LTBP1: variants seen among roughly 807,000 people sequenced by gnomAD.
LTBP1 encodes the protein latent transforming growth factor beta binding protein 1.
LTBP1 carries 129 observed loss-of-function variants against 207.6 expected under a neutral mutation model. The observed-to-expected ratio is 0.62, with a 90% CI of 0.54 to 0.72. The LOEUF is 0.72. LTBP1 is among the 30% of genes least tolerant of loss of function. The pLI is 0.00. For synonymous variants in LTBP1, 963 were observed against 833.7 expected, an observed-to-expected ratio of 1.16 and a Z score of -2.67; for missense variants, 2,281 against 2,217.2, an observed-to-expected ratio of 1.03 and a Z score of -0.58.
chr2:33,082,432 C>CTTTTTTT (rs56058653), intron 3 of LTBP1, among the ~76,000 whole-genome samples: 1 of 29,320 alleles, frequency 3.4e-5, no homozygotes, highest in African/African-American at 1.1e-4. Context: ...GTATGACTCA[C>CTTTTTTT]TTTTTTTTTT....
chr2:33,054,084 C>T (rs186874546), intron 3 of LTBP1, among the ~76,000 whole-genome samples: 152 of 152,266 alleles, frequency 1.0e-3, no homozygotes, highest in East Asian at 7.7e-4. Flanking sequence ...GAAGGATCCT[C>T]GAAGTCCAGA....
Position 33,365,407 on chromosome 2 carries a change from C to G in LTBP1, c.4615C>G (p.Pro1539Ala). 1 of 1,614,180 alleles carries G rather than the reference C, an allele frequency of 6.2e-7. No homozygotes were observed. The highest frequency in any genetic ancestry group is 8.5e-7 in the Non-Finnish European group (1 of 1,180,030). Residue 1539 changes from proline (P) to alanine (A), a missense_variant, in exon 31 of 34, where the codon CCT (proline) becomes GCT (alanine). By Grantham distance (27) the Pro-to-Ala change is conservative. Transcript: ENST00000404816. ...HLSDEYVCSR[P>A]LVGKQTTYTE... ...GAGTGATGAATACGTGTGTAGCCGG[C>G]CTCTTGTGGGCAAGCAGACAACGTA...
At chr2:33,054,204 C>G (rs762409045) in intron 3 of LTBP1, among the ~76,000 whole-genome samples, 25 of 152,206 alleles carry the variant, frequency 1.6e-4, no homozygotes, top group Non-Finnish European at 3.7e-4. Context: ...AGATCTTGCA[C>G]TAGTCTCCAC....
Position 33,003,767 on chromosome 2 carries a change from C to A in LTBP1, c.566-17142C>A, listed in dbSNP as rs1184200799. Among the ~76,000 whole-genome samples the A allele has an allele frequency of 3.3e-5, 5 of 152,296 alleles. No homozygotes were observed. In the East Asian group the frequency reaches 9.6e-4, roughly 29 times the overall value. On this transcript the variant is annotated intron_variant, in intron 2 of 33. Coordinates refer to ENST00000404816, the MANE Select transcript of LTBP1 (RefSeq NM_206943.4). ...TGTGTCAAAACCCTGACAAATAGAG[C>A]TGGGAGAGGCCACGAAAAGAAGGTT... is the stretch of plus-strand genomic sequence containing the variant.
rs1017355873 is a variant in LTBP1, at chr2:33,346,642, G to A, written c.3857-725G>A. Among the ~76,000 whole-genome samples the A allele has an allele frequency of 3.3e-5, 5 of 151,856 alleles. No individual in the cohort carries two copies. In the South Asian group the frequency reaches 8.3e-4, roughly 25 times the overall value. On this transcript the variant is annotated intron_variant, in intron 25 of 33. Transcript: ENST00000404816. ...GAGGTTGCGAGTGAGCTGAGATCACGGCACTGCACTCCAGCCTGGGTGACA... is the reference window on the plus strand; with the variant it reads ...GAGGTTGCGAGTGAGCTGAGATCACAGCACTGCACTCCAGCCTGGGTGACA...
At chr2:32,991,211 C>T (rs543251956) in intron 2 of LTBP1, among the ~76,000 whole-genome samples, 28 of 152,182 alleles carry the variant, frequency 1.8e-4, no homozygotes, top group African/African-American at 6.5e-4. Context: ...AATATTTGCC[C>T]GCATTAATAC....
intron 4 of LTBP1, among the ~76,000 whole-genome samples, chr2:33,119,794 G>A (rs779764594): frequency 1.3e-5 from 2 of 152,232 alleles, no homozygotes; most frequent in African/African-American, 2.4e-5. Flanking sequence ...TCCCGACCTC[G>A]TGATCCTCCC....
In LTBP1 at chr2:33,124,944, A is replaced by C. The variant is rs7594149; in HGVS notation, c.1034-9849A>C. On this transcript the variant is annotated intron_variant, in intron 4 of 33. Coordinates refer to ENST00000404816, the MANE Select transcript of LTBP1 (RefSeq NM_206943.4). ...TGTATTCTTTCCCTTTGAACTTCTT[A>C]TTATCAGTTTCTTTGTCTTCCAGAT... 8.2e-3 allele frequency among the ~76,000 whole-genome samples: 1,253 copies of C among 152,234 alleles called. 19 individuals are homozygous for C. Among genetic ancestry groups the C allele is most frequent in the African/African-American group, 0.029 (1,185 of 41,532 alleles).
intron 4 of LTBP1, among the ~76,000 whole-genome samples, chr2:33,127,358 A>T (rs2081494012): frequency 6.6e-6 from 1 of 152,184 alleles, no homozygotes; most frequent in Non-Finnish European, 1.5e-5. Context: ...AGCCTGAGGC[A>T]TTCAACTCCT....
chr2:33,238,907 CT>C (rs1371025021), intron 9 of LTBP1, among the ~76,000 whole-genome samples: 1 of 152,178 alleles, frequency 6.6e-6, no homozygotes, highest in African/African-American at 2.4e-5. Flanking sequence ...TACTGAAATA[CT>C]TAGGCTGTTT....
intron 7 of LTBP1, among the ~76,000 whole-genome samples, chr2:33,189,789 G>A (rs2087635107): frequency 6.6e-6 from 1 of 152,096 alleles, no homozygotes; most frequent in Non-Finnish European, 1.5e-5. Context: ...ACTTTGGGAG[G>A]CCGAGGCAGG....
chr2:33,220,808 CTT>C (rs1025354360), intron 8 of LTBP1, among the ~76,000 whole-genome samples: 6 of 152,208 alleles, frequency 3.9e-5, no homozygotes, highest in African/African-American at 1.4e-4. Flanking sequence ...TATCTCCCGT[CTT>C]TTAATTTGCC....
intron 23 of LTBP1, among the ~76,000 whole-genome samples, 187 bp from the exon 24 acceptor site, chr2:33,314,955 ACT>A (rs1171732462): frequency 6.6e-6 from 1 of 152,206 alleles, no homozygotes; most frequent in African/African-American, 2.4e-5. Flanking sequence ...CTATTTCCTA[ACT>A]CAACCTAAAT....
intron 5 of LTBP1, among the ~76,000 whole-genome samples, chr2:33,158,869 C>CA (rs111382329): frequency 2.6e-5 from 4 of 152,274 alleles, no homozygotes; most frequent in African/African-American, 9.6e-5. Flanking sequence ...GCTGTGATGA[C>CA]AAAAAAGTTC....
At chr2:33,274,667 G>T (rs1280911025) in intron 16 of LTBP1, among the ~76,000 whole-genome samples, 3 of 152,188 alleles carry the variant, frequency 2.0e-5, no homozygotes, top group Admixed American at 6.5e-5. Flanking sequence ...TCCATTGCTT[G>T]GATGTCTCTC....
intron 2 of LTBP1, among the ~76,000 whole-genome samples, chr2:33,011,233 T>A (rs932629464): frequency 2.6e-5 from 4 of 151,836 alleles, no homozygotes; most frequent in South Asian, 2.1e-4. Flanking sequence ...CATGTAGGAG[T>A]GGGCTTGTCT....
In LTBP1 at chr2:33,014,183, G is replaced by A. The variant is rs954941890; in HGVS notation, c.566-6726G>A. ...TTGGTGATTGATGGGCATGGTCCAC[G>A]TATTTAGAAAATTTCATTATGTGGA... On this transcript the variant is annotated intron_variant, in intron 2 of 33. Transcript: ENST00000404816. Among the ~76,000 whole-genome samples, 11 of 152,110 alleles carry A rather than the reference G, an allele frequency of 7.2e-5. No homozygotes were observed. In the South Asian group the frequency reaches 8.3e-4, roughly 11 times the overall value.
chr2:32,947,545 G>A lies in LTBP1; in HGVS notation c.221G>A (p.Arg74His). 1 of 1,382,594 alleles carries A rather than the reference G, an allele frequency of 7.2e-7. No homozygotes were observed. The highest frequency in any genetic ancestry group is 1.6e-5 in the South Asian group (1 of 63,754). 85.6% of individuals were successfully genotyped at this position (1,382,594 alleles called of 1,614,324 possible). The change falls in exon 1 of 34, where the codon CGT becomes CAT. Residue 74 changes from arginine (R) to histidine (H), a missense_variant. Around this residue, in one of 3 missense-constraint regions of LTBP1, gnomAD observed 555 missense variants for 491.0 expected, o/e 1.13. Transcript: ENST00000404816. Reference protein sequence around the residue: ...RSSAAAGAPSRASPGVPSERT... With the variant: ...RSSAAAGAPSHASPGVPSERT... ...TCGGCGGCTGCCGGCGCCCCCAGCC[G>A]TGCCTCCCCCGGGGTCCCCTCGGAG...
chr2:33,172,639 C>G (rs979683208), intron 5 of LTBP1, among the ~76,000 whole-genome samples: 4 of 152,198 alleles, frequency 2.6e-5, no homozygotes, highest in Non-Finnish European at 5.9e-5. Flanking sequence ...GAACTCAGCT[C>G]TGCACCAAGC....
Sources: allele counts gnomAD v4.1 joint callset (sites outside exome capture counted in the v4.1 genomes callset), GRCh38; gene constraint gnomAD v4.1.1; regional missense constraint gnomAD v4.1.1; transcripts MANE v1.5; gene names NCBI Gene and HGNC (gene_info 2026-07-23, HGNC 2026-07-21).